FXR2: variants seen among roughly 807,000 people sequenced by gnomAD.
The protein encoded by FXR2 is FMR1 autosomal homolog 2.
Under a neutral mutation model 87.3 loss-of-function variants are expected in FXR2, and 9 were observed. The observed-to-expected ratio is 0.10, with a 90% confidence interval of 0.06 to 0.18. The LOEUF is 0.18. Ranked by LOEUF, FXR2 falls within the 10% of genes least tolerant of loss-of-function variation. The probability of loss-of-function intolerance (pLI) is 1.00; values close to 1 mark genes in which losing one functional copy is unlikely to be tolerated. For synonymous variants in FXR2, 331 were observed against 328.3 expected, an observed-to-expected ratio of 1.01 and a Z score of -0.09; for missense variants, 661 against 893.6, an observed-to-expected ratio of 0.74 and a Z score of 3.32.
At position 7,593,390 on chromosome 17, in the gene FXR2, A is replaced by C; in HGVS notation, c.1330+13T>G. 6.5e-7 allele frequency: 1 copy of C among 1,548,426 alleles called. No individual in the cohort carries two copies. The highest frequency in any genetic ancestry group is 1.4e-5 in the African/African-American group (1 of 73,324). On this transcript the variant is annotated intron_variant, in intron 12 of 16. Coordinates refer to ENST00000250113, the MANE Select transcript of FXR2 (RefSeq NM_004860.4). This position sits in a 1 kb window ranked among gnomAD's most constrained non-coding sequence, Gnocchi z 6.1. The stretch of plus-strand genomic sequence containing the variant: ...CTGCCACTCCTTGCCTCCTGTTCCC[A>C]TAACTGTCTCACCATAGGCAGGACC...
chr17:7,606,980 G>A (rs2071808020), intron 1 of FXR2, among the ~76,000 whole-genome samples: 2 of 152,158 alleles, frequency 1.3e-5, no homozygotes, highest in Non-Finnish European at 2.9e-5. Context: ...TCTAGCTTAT[G>A]AATTTATTAT....
rs1460138792 is a variant in FXR2 at position 7,592,785 on chromosome 17, G to A, written c.1638C>T (p.Arg546=). The change falls in exon 14 of 17, where the codon CGC becomes CGT. Residue 546 remains arginine, a synonymous_variant. Transcript: ENST00000250113. The surrounding 1 kb of genome is among the most constrained non-coding windows in gnomAD (Gnocchi z 4.8). Reference sequence around the variant, plus strand: ...CATCAGTGCGGCGGCGGCGGGAGCGGCGGCGCCTGGCACTTGCTGGGGGGG... The same window carrying A: ...CATCAGTGCGGCGGCGGCGGGAGCGACGGCGCCTGGCACTTGCTGGGGGGG... ...GEPPPASARR[R]RSRRRRTDED... 6.2e-7 allele frequency: 1 copy of A among 1,613,562 alleles called. No homozygotes were observed. The highest frequency in any genetic ancestry group is 1.3e-5 in the African/African-American group (1 of 74,896).
In FXR2 at chr17:7,594,108, G is replaced by C. The variant is rs576804442; in HGVS notation, c.1021-104C>G. 1.9e-5 allele frequency: 17 copies of C among 917,620 alleles called. No homozygotes were observed. In the African/African-American group the frequency reaches 2.6e-4, roughly 14 times the overall value. 56.8% of individuals were successfully genotyped at this position (917,620 alleles called of 1,614,324 possible). On this transcript the variant is annotated intron_variant, in intron 10 of 16. Coordinates refer to ENST00000250113, the MANE Select transcript of FXR2 (RefSeq NM_004860.4). The surrounding 1 kb of genome is among the most constrained non-coding windows in gnomAD (Gnocchi z 5.1). The stretch of plus-strand genomic sequence containing the variant: ...GAGCCTGCCCAGTGGGATCATTCTG[G>C]GCTCTAAATCTACTAGTGTTAAACA...
rs979768821 is a variant in FXR2, at chr17:7,593,812, G to A, written c.1107+106C>T. The A allele has an allele frequency of 1.5e-5, 13 of 872,414 alleles. No individual in the cohort carries two copies. In the African/African-American group the frequency reaches 1.8e-4, roughly 12 times the overall value. The allele number at this position is 872,414 out of a possible 1,614,324, so 54.0% of individuals were successfully genotyped here. ...CCCCAAATTTCCACAGATGTTTTCT[G>A]TTCTACACGGAGAGACAAACAGAGA... On this transcript the variant is annotated intron_variant, in intron 11 of 16. Coordinates refer to ENST00000250113, the MANE Select transcript of FXR2 (RefSeq NM_004860.4). The surrounding 1 kb of genome is among the most constrained non-coding windows in gnomAD (Gnocchi z 6.1).
At chr17:7,603,931 T>G in intron 4 of FXR2, 26 bp from the exon 5 acceptor site, 1 of 1,613,544 alleles carries the variant, frequency 6.2e-7, no homozygotes, top group East Asian at 2.2e-5. Context: ...AAAGGAGAAG[T>G]TGTGGATGAC....
In FXR2 at chr17:7,594,019, G is replaced by C. The variant is rs370722722; in HGVS notation, c.1021-15C>G. ...GGAACCATTCCCTAGAGAACAGAGA[G>C]CAGAAACGATGGATCAGAAAGGAAA... On this transcript the variant is annotated splice_polypyrimidine_tract_variant and intron_variant, in intron 10 of 16. Coordinates refer to ENST00000250113, the MANE Select transcript of FXR2 (RefSeq NM_004860.4). This position sits in a 1 kb window ranked among gnomAD's most constrained non-coding sequence, Gnocchi z 5.1. 5.6e-5 allele frequency: 84 copies of C among 1,513,294 alleles called. No homozygotes were observed. Among genetic ancestry groups the C allele is most frequent in the Middle Eastern group, 1.7e-4 (1 of 5,890 alleles). 93.7% of individuals were successfully genotyped at this position (1,513,294 alleles called of 1,614,324 possible).
rs779325705 is a variant in FXR2 at position 7,595,872 on chromosome 17, G to A, written c.783C>T (p.Thr261=). Reference sequence around the variant, plus strand: ...AGGTCTCTTCACCCAACTCAATGGCGGTCACCCCAGGTACTTTTCGGGCCT... The same window carrying A: ...AGGTCTCTTCACCCAACTCAATGGCAGTCACCCCAGGTACTTTTCGGGCCT... The part of the protein sequence containing the change: ...IQQARKVPGV[T]AIELGEETCT... Residue 261 remains threonine (T), a synonymous_variant, in exon 8 of 17, where the codon ACC becomes ACT. Coordinates refer to ENST00000250113, the MANE Select transcript of FXR2 (RefSeq NM_004860.4). This position sits in a 1 kb window ranked among gnomAD's most constrained non-coding sequence, Gnocchi z 4.7. 3.2e-5 allele frequency: 52 copies of A among 1,613,808 alleles called. 1 individual carries two copies. Among genetic ancestry groups the A allele is most frequent in the South Asian group, 5.5e-5 (5 of 91,076 alleles).
rs116745372 is a variant in FXR2, at chr17:7,598,169, G to C, written c.661-2175C>G. 8.8e-3 allele frequency among the ~76,000 whole-genome samples: 1,338 copies of C among 152,130 alleles called. 17 individuals carry two copies. Among genetic ancestry groups the C allele is most frequent in the African/African-American group, 0.03 (1,251 of 41,484 alleles). ...GGAGTTTAAAACAGAAGGCACTTTC[G>C]GCCGGGCACAGTGGCTCTCGCCTGT... On this transcript the variant is annotated intron_variant, in intron 7 of 16. Coordinates refer to ENST00000250113, the MANE Select transcript of FXR2 (RefSeq NM_004860.4).
rs2071689646 is a variant in FXR2, at chr17:7,594,143, A to G, written c.1020+95T>C. The G allele has an allele frequency of 4.5e-6, 4 of 898,238 alleles. No homozygotes were observed. In the Admixed American group the frequency reaches 5.9e-5, roughly 13 times the overall value. 55.6% of individuals were successfully genotyped at this position (898,238 alleles called of 1,614,324 possible). A position where few individuals can be genotyped will look rare whatever the true frequency, so the allele number is the denominator to read the frequency against. Reference sequence around the variant, plus strand: ...CTACTAGTGTTAAACAACTTTCCGTACTCCACCCTCTCAAAGAACAATCCC... The same window carrying G: ...CTACTAGTGTTAAACAACTTTCCGTGCTCCACCCTCTCAAAGAACAATCCC... On this transcript the variant is annotated intron_variant, in intron 10 of 16. Transcript: ENST00000250113. The surrounding 1 kb of genome is among the most constrained non-coding windows in gnomAD (Gnocchi z 5.1).
intron 7 of FXR2, among the ~76,000 whole-genome samples, chr17:7,598,715 C>G (rs2071728164): frequency 6.6e-6 from 1 of 151,944 alleles, no homozygotes. Flanking sequence ...TAAAAAACAA[C>G]AACAAAAATT....
chr17:7,610,843 G>A (rs2150948510), intron 1 of FXR2, among the ~76,000 whole-genome samples: 1 of 152,300 alleles, frequency 6.6e-6, no homozygotes, highest in East Asian at 1.9e-4. Context: ...TTTGGCTTCT[G>A]GAGCCTGGCA....
intron 1 of FXR2, chr17:7,614,079 T>C (rs889080753): frequency 2.0e-6 from 1 of 489,724 alleles, no homozygotes; most frequent in African/African-American, 1.9e-5. Context: ...TCCATGTGCT[T>C]GGATCGTGGG....
rs1380478579 is a variant in FXR2, at chr17:7,603,011, G to GA, written c.450-10dup. Reference sequence around the variant, plus strand: ...CGTTTTCATTGGAGCAGCTGCAGAGGAAAAAAGTACTCAGCGGGCAGAATG... The same window carrying GA: ...CGTTTTCATTGGAGCAGCTGCAGAGGAAAAAAAGTACTCAGCGGGCAGAATG... On this transcript the variant is annotated splice_polypyrimidine_tract_variant and intron_variant, in intron 5 of 16. Coordinates refer to ENST00000250113, the MANE Select transcript of FXR2 (RefSeq NM_004860.4). 4 of 1,466,886 alleles carry GA rather than the reference G, an allele frequency of 2.7e-6. No individual in the cohort carries two copies. The highest frequency in any genetic ancestry group is 3.8e-6 in the Non-Finnish European group (4 of 1,052,434). 90.9% of individuals were successfully genotyped at this position (1,466,886 alleles called of 1,614,324 possible).
Position 7,609,981 on chromosome 17 carries a change from T to TATACATGTATATGTATAC in FXR2, c.82-3833_82-3832insGTATACATATACATGTAT, listed in dbSNP as rs1567753917. 1.4e-3 allele frequency among the ~76,000 whole-genome samples: 69 copies of TATACATGTATATGTATAC among 48,568 alleles called. 2 individuals carry two copies. Among genetic ancestry groups the TATACATGTATATGTATAC allele is most frequent in the East Asian group, 8.2e-3 (19 of 2,326 alleles). The allele number at this position is 48,568 out of a possible 152,430, so 31.9% of individuals were successfully genotyped here. A position where few individuals can be genotyped will look rare whatever the true frequency, so the allele number is the denominator to read the frequency against. On this transcript the variant is annotated intron_variant, in intron 1 of 16. Transcript: ENST00000250113. ...ATATATATACATGTATATGTATACA[T>TATACATGTATATGTATAC]ATATATATACATGTATATGTATACA...
chr17:7,596,027 G>T (rs764338358), intron 7 of FXR2, 33 bp from the exon 8 acceptor site: 86 of 1,566,420 alleles, frequency 5.5e-5, no homozygotes, highest in Non-Finnish European at 6.8e-5. Flanking sequence ...GAATCATGGT[G>T]GTAGAATCTC....
rs1446027856 is a variant in FXR2 at position 7,591,868 on chromosome 17, G to A, written c.1984C>T (p.Pro662Ser). 2.2e-5 allele frequency: 35 copies of A among 1,604,558 alleles called. No individual in the cohort carries two copies. The highest frequency in any genetic ancestry group is 2.8e-5 in the Non-Finnish European group (33 of 1,171,288). The change falls in exon 17 of 17, where the codon CCC becomes TCC. Residue 662 changes from proline to serine, a missense_variant. This residue lies in a region of FXR2 where 409 missense variants were observed against 432.0 expected (regional missense o/e 0.95). Transcript: ENST00000250113. The surrounding 1 kb of genome is among the most constrained non-coding windows in gnomAD (Gnocchi z 4.0). ...TTCACCATACTACCCAACTCCAAGG[G>A]GGCGGAGAGCTCCCCATTCTCCGAG... ...GPSENGELSA[P>S]LELGSMVNGV... is the part of the protein sequence containing the mutation.
chr17:7,606,227 A>T, intron 1 of FXR2, 78 bp from the exon 2 acceptor site: 1 of 908,684 alleles, frequency 1.1e-6, no homozygotes, highest in Admixed American at 2.2e-5. Context: ...GGAATAAGAC[A>T]CCACAAAACC....
chr17:7,596,663 T>G (rs1202895802), intron 7 of FXR2, among the ~76,000 whole-genome samples: 2 of 152,220 alleles, frequency 1.3e-5, no homozygotes, highest in Non-Finnish European at 2.9e-5. Context: ...TATATCCAAC[T>G]TATCTTATTC....
intron 7 of FXR2, among the ~76,000 whole-genome samples, chr17:7,601,020 A>G (rs916008844): frequency 6.6e-6 from 1 of 151,798 alleles, no homozygotes; most frequent in African/African-American, 2.4e-5. Flanking sequence ...TCTTACTAAT[A>G]ATACAAAACT....
Sources: gnomAD v4.1 joint callset for allele counts (sites outside exome capture counted in the v4.1 genomes callset) on GRCh38, gnomAD v4.1.1 for gene constraint, gnomAD v4.1.1 regional missense constraint, Gnocchi (gnomAD v3.1) non-coding constraint, MANE v1.5 for transcripts, NCBI Gene and HGNC (gene_info 2026-07-23, HGNC 2026-07-21) for gene names.